Variants in CFAP97 observed in about 807,000 individuals in gnomAD.
The protein encoded by CFAP97 is cilia- and flagella-associated protein 97.
Under a neutral mutation model 43.1 loss-of-function variants are expected in CFAP97, and 36 were observed. The observed-to-expected ratio is 0.84, with a 90% CI of 0.64 to 1.10. The LOEUF (loss-of-function observed/expected upper bound fraction) is 1.10. CFAP97 is among the 50% of genes least tolerant of loss of function. The pLI is 0.00. For synonymous variants in CFAP97, 228 were observed against 225.7 expected (o/e 1.01, Z -0.09); for missense variants, 657 against 620.3 (o/e 1.06, Z -0.63).
At chr4:185,193,078 C>G (rs1489927126) in intron 1 of CFAP97, among the ~76,000 whole-genome samples, 1 of 151,912 alleles carries the variant, frequency 6.6e-6, no homozygotes, top group African/African-American at 2.4e-5. Flanking sequence ...ACTAAAAAAC[C>G]CCAGGACTCC....
At chr4:185,167,785 A>C (rs1735126196) in intron 3 of CFAP97, among the ~76,000 whole-genome samples, 1 of 152,052 alleles carries the variant, frequency 6.6e-6, no homozygotes, top group Non-Finnish European at 1.5e-5. Context: ...ACTTGAGGTA[A>C]GGAGTTCGAG....
intron 2 of CFAP97, among the ~76,000 whole-genome samples, chr4:185,184,077 T>C (rs1425076914): frequency 6.6e-6 from 1 of 152,222 alleles, no homozygotes; most frequent in Non-Finnish European, 1.5e-5. Context: ...TTATTTTCAA[T>C]GGAACCAAAT....
intron 2 of CFAP97, among the ~76,000 whole-genome samples, chr4:185,187,613 A>C (rs981816451): frequency 6.6e-6 from 1 of 152,006 alleles, no homozygotes; most frequent in Admixed American, 6.6e-5. Context: ...AACGGGAAAA[A>C]ACCCGGAGTG....
In CFAP97 at chr4:185,209,067, T is replaced by C. The variant is rs1352373651; in HGVS notation, c.-74+258A>G. On this transcript the variant is annotated intron_variant, in intron 1 of 2. Coordinates refer to the CFAP97 transcript ENST00000503223. This position sits in a 1 kb window ranked among gnomAD's most constrained non-coding sequence, Gnocchi z 5.2. ...ATTATGGGCAGCTGCGTGCACCCTG[T>C]TGCACCAGGCCGACTTCTTTGGACC... Among the ~76,000 whole-genome samples the C allele has an allele frequency of 1.3e-5, 2 of 152,202 alleles. No homozygotes were observed.
chr4:185,185,995 T>C (rs1053453820), intron 2 of CFAP97, among the ~76,000 whole-genome samples: 1 of 152,134 alleles, frequency 6.6e-6, no homozygotes, highest in African/African-American at 2.4e-5. Context: ...ATATGTCACA[T>C]TCCAAAACCA....
intron 2 of CFAP97, among the ~76,000 whole-genome samples, chr4:185,183,359 C>T (rs538907131): frequency 1.8e-4 from 28 of 152,310 alleles, no homozygotes; most frequent in African/African-American, 6.5e-4. Context: ...GTTGTCTTCA[C>T]CATCATCCTC....
At chr4:185,205,712 C>T (rs3108242), upstream of CFAP97, among the ~76,000 whole-genome samples, 70,048 of 152,022 alleles carry the variant, frequency 0.46, 16,655 homozygotes, top group East Asian at 0.59. Context: ...ATCTGTAATC[C>T]CAGCTACTCA....
At chr4:185,200,867 T>C (rs1736787931) in intron 1 of CFAP97, among the ~76,000 whole-genome samples, 1 of 152,210 alleles carries the variant, frequency 6.6e-6, no homozygotes, top group South Asian at 2.1e-4. Flanking sequence ...GATGAGGACT[T>C]GCTTCTTATG....
At chr4:185,167,879 G>T (rs2111321279) in intron 3 of CFAP97, among the ~76,000 whole-genome samples, 1 of 151,652 alleles carries the variant, frequency 6.6e-6, no homozygotes, top group Non-Finnish European at 1.5e-5. Context: ...GACGTCTGCA[G>T]TTCCAGCTAC....
chr4:185,209,970 G>T, upstream of CFAP97: 1 of 983,438 alleles, frequency 1.0e-6, no homozygotes, highest in Non-Finnish European at 1.2e-6. This position sits in a 1 kb window ranked among gnomAD's most constrained non-coding sequence, Gnocchi z 5.2. Context: ...CAGCGGCGGC[G>T]CCGGGGGCCC....
Position 185,190,604 on chromosome 4 carries a change from G to T in CFAP97, c.593C>A (p.Ser198Tyr), listed in dbSNP as rs558787472. ...CLDAGSDSHL[S>Y]DSSPSSKSSK... ...TGACTTAGATGACGGAGACGAATCA[G>T]ATAGATGGCTATCAGACCCTGCATC... The change falls in exon 2 of 5, where the codon TCT becomes TAT. Residue 198 changes from serine (S) to tyrosine (Y), a missense_variant. Physicochemically the swap from Ser to Tyr is moderately radical, Grantham distance 144. Transcript: ENST00000458385. 1.2e-6 allele frequency: 2 copies of T among 1,609,416 alleles called. No individual in the cohort carries two copies. Among genetic ancestry groups the T allele is most frequent in the Admixed American group, 1.7e-5 (1 of 59,040 alleles).
intron 4 of CFAP97, 36 bp from the exon 5 acceptor site, chr4:185,162,961 TCTC>T (rs767760582): frequency 1.9e-5 from 29 of 1,491,818 alleles, no homozygotes; most frequent in Admixed American, 1.9e-4. Flanking sequence ...CTGAGAAACT[TCTC>T]CTCACTTGAA....
chr4:185,202,794 A>C (rs1046615866), intron 1 of CFAP97, among the ~76,000 whole-genome samples: 3 of 152,176 alleles, frequency 2.0e-5, no homozygotes, highest in Admixed American at 2.0e-4. Flanking sequence ...AGTTAATAAT[A>C]TCCAACAGAG....
chr4:185,163,689 C>G (rs982086326), intron 4 of CFAP97, among the ~76,000 whole-genome samples: 8 of 152,092 alleles, frequency 5.3e-5, no homozygotes, highest in African/African-American at 1.9e-4. Flanking sequence ...AGCAATGATT[C>G]TTAACTACCT....
chr4:185,192,819 C>G (rs1383973868), intron 1 of CFAP97, among the ~76,000 whole-genome samples: 1 of 140,102 alleles, frequency 7.1e-6, no homozygotes, highest in Non-Finnish European at 1.5e-5. Flanking sequence ...CGGCTCAGTG[C>G]AAGCTCCGCC....
At chr4:185,202,092 C>T (rs1471933712) in intron 1 of CFAP97, among the ~76,000 whole-genome samples, 1 of 152,222 alleles carries the variant, frequency 6.6e-6, no homozygotes, top group Non-Finnish European at 1.5e-5. Flanking sequence ...CTCGTCACTT[C>T]CTCATCTTTA....
chr4:185,163,179 A>T (rs1257777825), intron 4 of CFAP97, among the ~76,000 whole-genome samples: 1 of 152,220 alleles, frequency 6.6e-6, no homozygotes, highest in Non-Finnish European at 1.5e-5. Context: ...ATTCACGTGA[A>T]AAAAATGACT....
intron 2 of CFAP97, among the ~76,000 whole-genome samples, chr4:185,177,081 A>T (rs1735578927): frequency 6.6e-6 from 1 of 152,206 alleles, no homozygotes; most frequent in Non-Finnish European, 1.5e-5. Context: ...CAAAAGTATT[A>T]AACTTGCTGA....
upstream of CFAP97, among the ~76,000 whole-genome samples, chr4:185,205,081 C>T (rs1194153955): frequency 6.6e-6 from 1 of 152,192 alleles, no homozygotes; most frequent in Admixed American, 6.5e-5. Flanking sequence ...TAAGGATTGT[C>T]TATTTTCGTC....
Sources: gnomAD v4.1 joint callset for allele counts (sites outside exome capture counted in the v4.1 genomes callset) on GRCh38, gnomAD v4.1.1 for gene constraint, Gnocchi (gnomAD v3.1) non-coding constraint, MANE v1.5 for transcripts, NCBI Gene and HGNC (gene_info 2026-07-23, HGNC 2026-07-21) for gene names.